The following SLC29A4 variants were observed in gnomAD, a reference collection of about 807,000 sequenced individuals.
SLC29A4 encodes solute carrier family 29 member 4, also known as equilibrative nucleoside transporter 4.
In SLC29A4, 36 loss-of-function variants were observed where a neutral mutation model predicts 43.9. The observed-to-expected ratio is 0.82, with a 90% CI of 0.63 to 1.08. SLC29A4 has a LOEUF of 1.08. SLC29A4 is among the 50% of genes least tolerant of loss of function. The probability of loss-of-function intolerance (pLI) is 0.00; values close to 1 mark genes in which losing one functional copy is unlikely to be tolerated. For synonymous variants in SLC29A4, 491 were observed against 338.0 expected (o/e 1.45, Z -4.97); for missense variants, 869 against 755.3 (o/e 1.15, Z -1.77).
Position 5,299,143 on chromosome 7 carries a change from C to A in SLC29A4, c.1021+17C>A. The A allele has an allele frequency of 1.2e-6, 2 of 1,603,122 alleles. No individual in the cohort carries two copies. The highest frequency in any genetic ancestry group is 1.7e-6 in the Non-Finnish European group (2 of 1,173,724). ...CCTTCAGAGGTGAGTGCGGGGAGTC[C>A]TCTGCTGCCCTGGCTCTGGCACCCA... On this transcript the variant is annotated intron_variant, in intron 8 of 10. Transcript: ENST00000396872.
Position 5,297,054 on chromosome 7 carries a change from C to T in SLC29A4, c.738C>T (p.Phe246=), listed in dbSNP as rs756414339. The T allele has an allele frequency of 3.7e-6, 6 of 1,607,692 alleles. No homozygotes were observed. In the African/African-American group the frequency reaches 4.0e-5, roughly 11 times the overall value. Residue 246 remains phenylalanine, a synonymous_variant, in exon 7 of 11, where the codon TTC becomes TTT. Transcript: ENST00000396872. The stretch of plus-strand genomic sequence containing the variant: ...CGGTGGCGCTGGAGCTGCTGTGTTT[C>T]CTGCTGCACCTGTTAGTGCGGCGCA... ...LVSVALELLC[F]LLHLLVRRSR...
chr7:5,288,058 T>C (rs2128086977), intron 2 of SLC29A4, 73 bp downstream of exon 2: 3 of 1,493,234 alleles, frequency 2.0e-6, no homozygotes, highest in Admixed American at 5.0e-5. Flanking sequence ...CAGTGAAGCC[T>C]TGCGGTATCG....
intron 2 of SLC29A4, 130 bp downstream of exon 2, chr7:5,288,115 G>A: frequency 8.3e-7 from 1 of 1,209,526 alleles, no homozygotes; most frequent in Non-Finnish European, 1.1e-6. Flanking sequence ...GCCTGTCAGT[G>A]TGGATTAGAT....
chr7:5,293,162 C>CTTTT (rs58758343), intron 5 of SLC29A4, among the ~76,000 whole-genome samples: 5 of 117,278 alleles, frequency 4.3e-5, no homozygotes, highest in Admixed American at 8.9e-5. Flanking sequence ...TTTTTTTTCT[C>CTTTT]TTTTTTTTTT....
chr7:5,299,091 G>C lies in SLC29A4; in HGVS notation c.986G>C (p.Arg329Pro). Residue 329 changes from arginine (R) to proline (P), a missense_variant, in exon 8 of 11, where the codon CGG (arginine) becomes CCG (proline). Physicochemically the swap from Arg to Pro is moderately radical, Grantham distance 103. Coordinates refer to ENST00000396872, the MANE Select transcript of SLC29A4 (RefSeq NM_153247.4). ...GCCTACATGCGCTTTGATGTGCCGC[G>C]GCCAAGGGTCCAGCGCAGCTGGCCC... The part of the protein sequence containing the change: ...GGAYMRFDVP[R>P]PRVQRSWPTF... 2 of 1,610,526 alleles carry C rather than the reference G, an allele frequency of 1.2e-6. No homozygotes were observed. The highest frequency in any genetic ancestry group is 1.7e-6 in the Non-Finnish European group (2 of 1,179,368).
intron 1 of SLC29A4, among the ~76,000 whole-genome samples, chr7:5,287,092 C>G (rs546408074): frequency 1.3e-5 from 2 of 152,208 alleles, no homozygotes; most frequent in Non-Finnish European, 2.9e-5. Flanking sequence ...CCCCTTCTCC[C>G]TAGATAGCAG....
intron 1 of SLC29A4, among the ~76,000 whole-genome samples, chr7:5,284,035 C>CG (rs1423216742): frequency 1.6e-5 from 1 of 61,038 alleles, no homozygotes; most frequent in Non-Finnish European, 3.9e-5. Context: ...CTGCACGACC[C>CG]CCCCCCCCAC....
At chr7:5,292,159 A>G (rs6975051) in intron 5 of SLC29A4, among the ~76,000 whole-genome samples, 1,872 of 152,258 alleles carry the variant, frequency 0.012, 36 homozygotes, top group African/African-American at 0.042. Context: ...CACCCAGGCT[A>G]GAGTGCAGTG....
rs187529609 is a variant in SLC29A4, at chr7:5,300,333, G to A, written c.1210-89G>A. 8.3e-3 allele frequency: 13,210 copies of A among 1,590,590 alleles called. 80 individuals are homozygous for A. Among genetic ancestry groups the A allele is most frequent in the Non-Finnish European group, 9.8e-3 (11,491 of 1,169,748 alleles). ...GCTGGACAGGCCCAGGAGTGTTTAGGGATGGGGATGTGGCTAGAGGCTGTC... is the reference window on the plus strand; with the variant it reads ...GCTGGACAGGCCCAGGAGTGTTTAGAGATGGGGATGTGGCTAGAGGCTGTC... On this transcript the variant is annotated intron_variant, in intron 9 of 10. Coordinates refer to ENST00000396872, the MANE Select transcript of SLC29A4 (RefSeq NM_153247.4).
Position 5,299,269 on chromosome 7 carries a change from C to A in SLC29A4, c.1051C>A (p.Arg351=). ...GTTACTGCACCGCTACGTGGTGGCG[C>A]GGGTGATCTGGGCCGACATGCTCTC... ...ALLLHRYVVA[R]VIWADMLSIA... Residue 351 remains arginine, a synonymous_variant, in exon 9 of 11, where the codon CGG becomes AGG. Transcript: ENST00000396872. 6.2e-7 allele frequency: 1 copy of A among 1,612,132 alleles called. No individual in the cohort carries two copies. Among genetic ancestry groups the A allele is most frequent in the Non-Finnish European group, 8.5e-7 (1 of 1,179,928 alleles).
intron 4 of SLC29A4, 44 bp downstream of exon 4, chr7:5,291,281 C>T: frequency 6.4e-7 from 1 of 1,562,346 alleles, no homozygotes; most frequent in Non-Finnish European, 8.7e-7. Context: ...TCATGGCTTC[C>T]ACCTGCCTGG....
chr7:5,295,042 A>C, intron 6 of SLC29A4, 108 bp downstream of exon 6: 1 of 1,009,722 alleles, frequency 9.9e-7, no homozygotes, highest in African/African-American at 1.6e-5. Context: ...AGGGAGGCTC[A>C]CAATCCCTGG....
chr7:5,287,308 C>G (rs1162425706), intron 1 of SLC29A4, among the ~76,000 whole-genome samples: 1 of 151,802 alleles, frequency 6.6e-6, no homozygotes, highest in Admixed American at 6.6e-5. Flanking sequence ...GTCCCAGCTA[C>G]TTGGGAGGCT....
intron 1 of SLC29A4, among the ~76,000 whole-genome samples, chr7:5,286,942 A>T (rs955686774): frequency 6.6e-6 from 1 of 152,136 alleles, no homozygotes; most frequent in East Asian, 1.9e-4. Flanking sequence ...GTTACTTCCA[A>T]CTGCTCCCCA....
chr7:5,292,598 C>G (rs1241856397), intron 5 of SLC29A4, among the ~76,000 whole-genome samples: 1 of 151,086 alleles, frequency 6.6e-6, no homozygotes, highest in South Asian at 2.1e-4. Flanking sequence ...TTCCCTTGCA[C>G]CATTTGAGAG....
At chr7:5,294,482 A>T (rs1001196440) in intron 5 of SLC29A4, among the ~76,000 whole-genome samples, 1 of 152,084 alleles carries the variant, frequency 6.6e-6, no homozygotes, top group Admixed American at 6.6e-5. Flanking sequence ...TGGAGGGTGA[A>T]GGGTGTTATG....
At chr7:5,296,770 GGGGCAGGGCCTGTGGTGGA>G (rs1785702084) in intron 6 of SLC29A4, among the ~76,000 whole-genome samples, 147 bp from the exon 7 acceptor site, 1 of 128,138 alleles carries the variant, frequency 7.8e-6, no homozygotes, top group African/African-American at 3.5e-5. Flanking sequence ...CCTGTGGGTG[GGGGCAGGGCCTGTGGTGGA>G]GGGCGGGGCC....
chr7:5,296,824 T>C, intron 6 of SLC29A4, 112 bp from the exon 7 acceptor site: 1 of 1,084,820 alleles, frequency 9.2e-7, no homozygotes, highest in East Asian at 3.3e-5. Context: ...GGGCCTGTGG[T>C]GGAGGGCGGG....
At chr7:5,298,495 A>G (rs906630316) in intron 7 of SLC29A4, among the ~76,000 whole-genome samples, 1 of 152,172 alleles carries the variant, frequency 6.6e-6, no homozygotes, top group African/African-American at 2.4e-5. Context: ...TTGCTGCATC[A>G]GAAGTGTGAG....
Sources: allele counts gnomAD v4.1 joint callset (sites outside exome capture counted in the v4.1 genomes callset), GRCh38; gene constraint gnomAD v4.1.1; transcripts MANE v1.5; gene names NCBI Gene and HGNC (gene_info 2026-07-23, HGNC 2026-07-21).